MBP: variants seen among roughly 807,000 people sequenced by gnomAD.
MBP encodes the protein myelin basic protein, also known as Golli-MBP.
MBP carries 16 observed loss-of-function variants against 35.8 expected under a neutral mutation model. The observed-to-expected ratio is 0.45, with a 90% CI of 0.30 to 0.68. MBP has a LOEUF of 0.68. Among genes scored for constraint, MBP ranks in the 30% least tolerant of loss-of-function variants. The pLI is 0.08. For missense variants in MBP, 380 were observed against 404.7 expected (o/e 0.94, Z 0.52); for synonymous variants, 143 against 159.6 (o/e 0.90, Z 0.78).
intron 3 of MBP, among the ~76,000 whole-genome samples, chr18:77,027,860 AT>A (rs1299910508): frequency 1.3e-5 from 2 of 151,100 alleles, no homozygotes; most frequent in Non-Finnish European, 3.0e-5. Context: ...CCAATTTTTA[AT>A]TTTTTTTTGT....
chr18:76,998,297 G>A (rs1035267340), intron 4 of MBP, among the ~76,000 whole-genome samples: 4 of 150,554 alleles, frequency 2.7e-5, no homozygotes, highest in Non-Finnish European at 5.9e-5. Context: ...TTACCGCAGT[G>A]CCCTCCAGGC....
At chr18:77,063,951 G>A (rs181772466) in intron 3 of MBP, among the ~76,000 whole-genome samples, 177 of 151,560 alleles carry the variant, frequency 1.2e-3, no homozygotes, top group Non-Finnish European at 1.4e-3. Context: ...TAACAGAACC[G>A]CTGCCATCGT....
intron 4 of MBP, among the ~76,000 whole-genome samples, chr18:77,008,917 C>A (rs998620611): frequency 2.6e-5 from 4 of 152,194 alleles, no homozygotes; most frequent in South Asian, 2.1e-4. Flanking sequence ...TGTAAATGGT[C>A]CCCCCTTGCC....
In MBP at chr18:77,126,341, C is replaced by T. The variant is rs527534337; in HGVS notation, c.-26+6239G>A. Among the ~76,000 whole-genome samples the T allele has an allele frequency of 2.0e-5, 3 of 152,224 alleles. No homozygotes were observed. The South Asian group carries it at 6.2e-4, about 32-fold the overall frequency. ...AAAATCTCATGAACATATAAATTGTCCCAGAAAAGACATTTGACAAAATAC... is the reference window on the plus strand; with the variant it reads ...AAAATCTCATGAACATATAAATTGTTCCAGAAAAGACATTTGACAAAATAC... On this transcript the variant is annotated intron_variant, in intron 1 of 8. Transcript: ENST00000355994.
chr18:77,126,130 A>G (rs1410116383), intron 1 of MBP, among the ~76,000 whole-genome samples: 1 of 152,356 alleles, frequency 6.6e-6, no homozygotes, highest in South Asian at 2.1e-4. Context: ...AATGAGAACT[A>G]TAGATCAATA....
intron 2 of MBP, among the ~76,000 whole-genome samples, chr18:77,070,261 C>A (rs1398608293): frequency 6.6e-6 from 1 of 152,182 alleles, no homozygotes; most frequent in Non-Finnish European, 1.5e-5. Flanking sequence ...AAATCTGAGT[C>A]CAAACGGAAC....
intron 3 of MBP, among the ~76,000 whole-genome samples, chr18:77,024,309 ATTC>A (rs59624445): frequency 0.08 from 12,147 of 152,184 alleles, 1,337 homozygotes; most frequent in African/African-American, 0.25. Context: ...ACCCAAGACA[ATTC>A]TTCTTCTTCC....
intron 4 of MBP, among the ~76,000 whole-genome samples, chr18:77,008,578 C>A (rs550120185): frequency 6.6e-6 from 1 of 152,172 alleles, no homozygotes; most frequent in Admixed American, 6.5e-5. Flanking sequence ...CAGCCGCAGC[C>A]GCCAGTCACT....
chr18:76,982,826 A>G (rs914355594), intron 8 of MBP: 1 of 152,254 alleles, frequency 6.6e-6, no homozygotes, highest in African/African-American at 2.4e-5. Context: ...CTTTTTATGC[A>G]GTAAAATTTA....
chr18:77,007,752 C>T (rs1323231062), intron 4 of MBP, among the ~76,000 whole-genome samples: 1 of 152,218 alleles, frequency 6.6e-6, no homozygotes, highest in African/African-American at 2.4e-5. Flanking sequence ...TGGAAGCCTG[C>T]AGACTTTTAA....
intron 3 of MBP, among the ~76,000 whole-genome samples, chr18:77,051,588 ACCC>A (rs1405412641): frequency 2.0e-5 from 3 of 152,166 alleles, no homozygotes; most frequent in African/African-American, 7.2e-5. Context: ...GGGCTGAAGG[ACCC>A]GATTTTCACT....
rs1019945300 is a variant in MBP at position 77,041,986 on chromosome 18, C to T, written c.139+24312G>A. On this transcript the variant is annotated intron_variant, in intron 3 of 8. Coordinates refer to ENST00000355994, the MANE Select transcript of MBP (RefSeq NM_001025101.2). ...TGCAGGAACCCCCAGGAGATTAGTG[C>T]CACAGACCCCGCATCATCGATTTGT... Among the ~76,000 whole-genome samples the T allele has an allele frequency of 7.9e-5, 12 of 151,962 alleles. No homozygotes were observed. In the East Asian group the frequency reaches 1.7e-3, roughly 22 times the overall value.
chr18:77,033,928 T>G (rs1251295740), intron 3 of MBP, among the ~76,000 whole-genome samples: 1 of 151,726 alleles, frequency 6.6e-6, no homozygotes, highest in Non-Finnish European at 1.5e-5. Context: ...TTAGGCACAG[T>G]TCTAAGGATG....
intron 3 of MBP, among the ~76,000 whole-genome samples, chr18:77,035,482 A>G (rs1972726355): frequency 6.6e-6 from 1 of 152,244 alleles, no homozygotes; most frequent in African/African-American, 2.4e-5. Context: ...CCATCTGTCC[A>G]CGTCTCCATT....
At chr18:77,069,987 A>G (rs537021122) in intron 2 of MBP, among the ~76,000 whole-genome samples, 1 of 152,270 alleles carries the variant, frequency 6.6e-6, no homozygotes, top group South Asian at 2.1e-4. Context: ...GGGAAATTTC[A>G]TGACTAATTT....
intron 7 of MBP, chr18:76,986,890 G>A (rs1451802874): frequency 1.0e-6 from 1 of 985,280 alleles, no homozygotes; most frequent in East Asian, 1.1e-4. Context: ...TTATCTTTGG[G>A]GAACCTAGAA....
chr18:77,119,183 G>T (rs977294817), intron 1 of MBP, among the ~76,000 whole-genome samples: 1 of 152,180 alleles, frequency 6.6e-6, no homozygotes, highest in African/African-American at 2.4e-5. Flanking sequence ...ACAGGCAGGG[G>T]CTTGGGGACC....
chr18:77,093,264 G>A (rs889052313), intron 2 of MBP: 4 of 152,368 alleles, frequency 2.6e-5, no homozygotes, highest in South Asian at 4.1e-4. Context: ...GGGCCACCTC[G>A]AGGGGGTTGA....
At chr18:76,991,580 C>T (rs1490576017) in intron 4 of MBP, among the ~76,000 whole-genome samples, 2 of 152,148 alleles carry the variant, frequency 1.3e-5, no homozygotes, top group African/African-American at 4.8e-5. Context: ...GAAAGGGACT[C>T]GGGGGAGCTT....
Sources: allele counts gnomAD v4.1 joint callset (sites outside exome capture counted in the v4.1 genomes callset), GRCh38; gene constraint gnomAD v4.1.1; transcripts MANE v1.5; gene names NCBI Gene and HGNC (gene_info 2026-07-23, HGNC 2026-07-21).